TRIM36: variants seen among roughly 807,000 people sequenced by gnomAD.
The protein encoded by TRIM36 is tripartite motif containing 36.
Under a neutral mutation model 72.4 loss-of-function variants are expected in TRIM36, and 42 were observed. The ratio of observed to expected loss-of-function variants is 0.58; its 90% confidence interval spans 0.45 to 0.75. The LOEUF is 0.75. Ranked by LOEUF, TRIM36 falls within the 30% of genes least tolerant of loss-of-function variation. TRIM36 has a pLI of 0.00. For missense variants in TRIM36, 913 were observed against 857.1 expected (o/e 1.07, Z -0.81); for synonymous variants, 315 against 282.8 (o/e 1.11, Z -1.14).
intron 8 of TRIM36, among the ~76,000 whole-genome samples, chr5:115,132,099 A>G (rs559497410): frequency 1.8e-4 from 28 of 152,132 alleles, no homozygotes; most frequent in African/African-American, 6.0e-4. Context: ...TCCTAGCTAC[A>G]TGGGAGATAG....
At chr5:115,143,720 G>A (rs1489994014) in intron 4 of TRIM36, among the ~76,000 whole-genome samples, 7 of 152,244 alleles carry the variant, frequency 4.6e-5, no homozygotes, top group South Asian at 2.1e-4. Flanking sequence ...TGGGTAGTAG[G>A]TACATAGATG....
Position 115,155,010 on chromosome 5 carries a change from G to A in TRIM36, c.263-7616C>T, listed in dbSNP as rs557250204. Among the ~76,000 whole-genome samples, 28 of 151,504 alleles carry A rather than the reference G, an allele frequency of 1.8e-4. 1 individual carries two copies. The highest frequency in any genetic ancestry group is 1.6e-3 in the Admixed American group (25 of 15,188). ...GCCTGACCAACAAGGAAGAAACCTC[G>A]TCTCTACTAAAAATACAAAAAAAAA... On this transcript the variant is annotated intron_variant, in intron 2 of 9. Coordinates refer to ENST00000513154, the MANE Select transcript of TRIM36 (RefSeq NM_001300759.2).
chr5:115,172,977 A>G, upstream of TRIM36, among the ~76,000 whole-genome samples: 1 of 152,200 alleles, frequency 6.6e-6, no homozygotes, highest in African/African-American at 2.4e-5. Context: ...TTAAGGTTAA[A>G]AATCCTTTCT....
chr5:115,136,874 G>A, intron 7 of TRIM36, 126 bp downstream of exon 7: 3 of 806,360 alleles, frequency 3.7e-6, no homozygotes, highest in Non-Finnish European at 3.6e-6. Context: ...ATTTCAGGAT[G>A]CTGTGATAGT....
In TRIM36 at chr5:115,163,739, T is replaced by C; in HGVS notation, c.41A>G (p.Asn14Ser). The change falls in exon 2 of 10, where the codon AAT becomes AGT. Residue 14 changes from asparagine to serine, a missense_variant. By Grantham distance (46) the Asn-to-Ser change is conservative. Coordinates refer to ENST00000513154, the MANE Select transcript of TRIM36 (RefSeq NM_001300759.2). ...TGGGCAAATGAGCTCCCTTTCGATA[T>C]TCTTAATGGTAACCTTGAGAGTAAA... is the stretch of plus-strand genomic sequence containing the variant. ...DGSDSPVTIKNIERELICPAC... is the reference protein window; with the variant it reads ...DGSDSPVTIKSIERELICPAC... 1 of 1,614,152 alleles carries C rather than the reference T, an allele frequency of 6.2e-7. No individual in the cohort carries two copies. Among genetic ancestry groups the C allele is most frequent in the Non-Finnish European group, 8.5e-7 (1 of 1,180,014 alleles).
intron 8 of TRIM36, among the ~76,000 whole-genome samples, chr5:115,133,262 A>T (rs977633563): frequency 6.6e-6 from 1 of 152,188 alleles, no homozygotes; most frequent in Non-Finnish European, 1.5e-5. Context: ...ACATTCTATA[A>T]AAATCTTTAG....
intron 2 of TRIM36, among the ~76,000 whole-genome samples, chr5:115,157,108 A>C (rs1754213473): frequency 6.6e-6 from 1 of 152,142 alleles, no homozygotes; most frequent in South Asian, 2.1e-4. Context: ...TCAAAACCAC[A>C]ATGTGATACC....
intron 2 of TRIM36, among the ~76,000 whole-genome samples, chr5:115,156,920 T>G (rs767407550): frequency 6.6e-6 from 1 of 152,182 alleles, no homozygotes; most frequent in African/African-American, 2.4e-5. Context: ...TCTATACATC[T>G]GACAAAGGAC....
chr5:115,170,226 G>A (rs1580710937), upstream of TRIM36, among the ~76,000 whole-genome samples: 1 of 152,232 alleles, frequency 6.6e-6, no homozygotes, highest in East Asian at 1.9e-4. Context: ...GCGGGGAGCG[G>A]TGGGCGGGTG....
At chr5:115,158,600 G>A (rs567835920) in intron 2 of TRIM36, among the ~76,000 whole-genome samples, 43 of 152,300 alleles carry the variant, frequency 2.8e-4, no homozygotes, top group African/African-American at 9.1e-4. Flanking sequence ...TTGCTGTTTG[G>A]CAGTGGCCTG....
intron 2 of TRIM36, among the ~76,000 whole-genome samples, chr5:115,154,019 C>T (rs188073540): frequency 1.1e-3 from 163 of 152,142 alleles, no homozygotes; most frequent in African/African-American, 3.7e-3. Context: ...GAAATCAACT[C>T]CACAAGGAAA....
intron 5 of TRIM36, among the ~76,000 whole-genome samples, chr5:115,139,822 G>A (rs943536076): frequency 1.3e-5 from 2 of 152,112 alleles, no homozygotes; most frequent in African/African-American, 4.8e-5. Context: ...CTATCCCAAG[G>A]AATCAGTGTC....
chr5:115,126,840 C>A lies in TRIM36; in HGVS notation c.1814G>T (p.Gly605Val), dbSNP rs1436723202. 6.2e-7 allele frequency: 1 copy of A among 1,612,614 alleles called. No homozygotes were observed. The highest frequency in any genetic ancestry group is 1.3e-5 in the African/African-American group (1 of 74,818). The change falls in exon 10 of 10, where the codon GGG becomes GTG. Residue 605 changes from glycine (G) to valine (V), a missense_variant. Gly to Val is a moderately radical substitution (Grantham distance 109). Transcript: ENST00000513154. ...GGCATCCTCACTTCCACTGTCATGCCCACTGTCTTGCTCATATCTGAAACA... is the reference window on the plus strand; with the variant it reads ...GGCATCCTCACTTCCACTGTCATGCACACTGTCTTGCTCATATCTGAAACA... Reference protein sequence around the residue: ...AVSPRYEQDSGHDSGSEDACF... With the variant: ...AVSPRYEQDSVHDSGSEDACF...
chr5:115,142,645 G>C (rs997131892), intron 4 of TRIM36, among the ~76,000 whole-genome samples: 1 of 152,124 alleles, frequency 6.6e-6, no homozygotes, highest in East Asian at 1.9e-4. Context: ...AGTCATAATA[G>C]TCCCCTCAAA....
intron 7 of TRIM36, 78 bp downstream of exon 7, chr5:115,136,922 T>A: frequency 7.2e-7 from 1 of 1,380,030 alleles, no homozygotes; most frequent in Non-Finnish European, 9.6e-7. Flanking sequence ...ATGTCAAATT[T>A]AAGAGAACTT....
intron 1 of TRIM36, chr5:115,177,889 C>CAG (rs560835718): frequency 1.0e-4 from 165 of 1,596,746 alleles, no homozygotes; most frequent in South Asian, 3.6e-4. Flanking sequence ...AAGAGAGAGA[C>CAG]AGAGAGAGAG....
chr5:115,147,342 G>C lies in TRIM36; in HGVS notation c.315C>G (p.Gly105=), dbSNP rs1753647314. The part of the protein sequence containing the change: ...TPRTTVFPCP[G]CEHDVDLGER... ...CTCCAAGATCCACATCATGCTCACA[G>C]CCAGGGCAAGGGAAAACAGTTGTCC... The change falls in exon 3 of 10, where the codon GGC becomes GGG. Residue 105 remains glycine, a synonymous_variant. Transcript: ENST00000513154. The C allele has an allele frequency of 6.2e-7, 1 of 1,613,994 alleles. No individual in the cohort carries two copies. Among genetic ancestry groups the C allele is most frequent in the Non-Finnish European group, 8.5e-7 (1 of 1,179,976 alleles).
intron 9 of TRIM36, among the ~76,000 whole-genome samples, chr5:115,128,006 T>A (rs1752443144): frequency 6.6e-6 from 1 of 150,484 alleles, no homozygotes; most frequent in African/African-American, 2.4e-5. Context: ...GTTTGTGTCT[T>A]CATTTTTAAC....
intron 1 of TRIM36, among the ~76,000 whole-genome samples, chr5:115,168,505 A>G (rs1325318177): frequency 1.3e-5 from 2 of 152,240 alleles, no homozygotes; most frequent in Non-Finnish European, 2.9e-5. Flanking sequence ...AATGTAATGA[A>G]ATTTTAAAAT....
Sources: gnomAD v4.1 joint callset for allele counts (sites outside exome capture counted in the v4.1 genomes callset) on GRCh38, gnomAD v4.1.1 for gene constraint, MANE v1.5 for transcripts, NCBI Gene and HGNC (gene_info 2026-07-23, HGNC 2026-07-21) for gene names.